PTPRD: variants seen among roughly 807,000 people sequenced by gnomAD.
PTPRD encodes the protein receptor-type tyrosine-protein phosphatase delta.
A neutral mutation model predicts 214.5 loss-of-function variants in PTPRD; 34 were observed. That is an observed-to-expected ratio of 0.16 (90% CI 0.12 to 0.21). PTPRD has a LOEUF of 0.21. PTPRD is among the 10% of genes least tolerant of loss of function. The pLI is 1.00. For synonymous variants in PTPRD, 1,128 were observed against 845.7 expected (o/e 1.33, Z -5.79); for missense variants, 2,545 against 2,398.7 (o/e 1.06, Z -1.27).
intron 4 of PTPRD, among the ~76,000 whole-genome samples, chr9:9,972,544 T>C (rs1034746305): frequency 1.4e-4 from 21 of 152,190 alleles, no homozygotes; most frequent in African/African-American, 5.1e-4. Context: ...TGAATTTGTT[T>C]CTTATTGCTA....
intron 9 of PTPRD, among the ~76,000 whole-genome samples, chr9:9,338,887 C>T (rs1355246591): frequency 1.3e-5 from 2 of 152,112 alleles, no homozygotes; most frequent in Non-Finnish European, 1.5e-5. Context: ...ATTCCCCTCC[C>T]TGTGTCCATG....
At chr9:10,588,269 G>T (rs1179941427) in intron 2 of PTPRD, among the ~76,000 whole-genome samples, 1 of 152,000 alleles carries the variant, frequency 6.6e-6, no homozygotes, top group African/African-American at 2.4e-5. Flanking sequence ...TGTGGTCTTT[G>T]TAAGGTAGTG....
chr9:8,703,596 T>C (rs1041363224), intron 12 of PTPRD, among the ~76,000 whole-genome samples: 3 of 152,196 alleles, frequency 2.0e-5, no homozygotes, highest in Admixed American at 6.5e-5. Context: ...TTTCTTTCTC[T>C]TTTCTCCTGT....
Position 9,511,048 on chromosome 9 carries a change from G to A in PTPRD, c.-237+63684C>T, listed in dbSNP as rs747658651. On this transcript the variant is annotated intron_variant, in intron 8 of 45. Transcript: ENST00000381196. ...AATATCCACTCCAAACAAAGCTCTT[G>A]TACAATAGAATCTATGAACAAAGGC... Among the ~76,000 whole-genome samples, 38 of 151,808 alleles carry A rather than the reference G, an allele frequency of 2.5e-4. 1 individual carries two copies. The highest frequency in any genetic ancestry group is 3.4e-3 in the Middle Eastern group (1 of 294).
intron 2 of PTPRD, among the ~76,000 whole-genome samples, chr9:10,519,343 A>G (rs1418138089): frequency 1.3e-5 from 2 of 151,810 alleles, no homozygotes; most frequent in Non-Finnish European, 2.9e-5. Flanking sequence ...CATGCCCTAG[A>G]CATTTCATTA....
intron 11 of PTPRD, among the ~76,000 whole-genome samples, chr9:8,996,019 G>C (rs1033252777): frequency 3.3e-5 from 5 of 151,982 alleles, no homozygotes; most frequent in African/African-American, 1.2e-4. Flanking sequence ...ATTCAAAATA[G>C]GAATGCTATT....
intron 8 of PTPRD, among the ~76,000 whole-genome samples, chr9:9,444,002 C>A (rs1405850139): frequency 4.6e-5 from 7 of 152,082 alleles, no homozygotes; most frequent in African/African-American, 2.4e-5. Context: ...AAAATAAAAT[C>A]ATATGGACTT....
At chr9:9,013,921 G>C (rs1010004417) in intron 11 of PTPRD, among the ~76,000 whole-genome samples, 4 of 152,144 alleles carry the variant, frequency 2.6e-5, no homozygotes, top group African/African-American at 9.7e-5. Context: ...TGGATCTTTT[G>C]TTGGGTGCAT....
intron 11 of PTPRD, among the ~76,000 whole-genome samples, chr9:8,828,245 A>G (rs2097213406): frequency 6.6e-6 from 1 of 152,220 alleles, no homozygotes; most frequent in Non-Finnish European, 1.5e-5. Flanking sequence ...GTATCTCCCT[A>G]AATTCATATG....
At chr9:9,277,487 A>T (rs1946114898) in intron 9 of PTPRD, among the ~76,000 whole-genome samples, 1 of 151,430 alleles carries the variant, frequency 6.6e-6, no homozygotes, top group African/African-American at 2.4e-5. Flanking sequence ...AAGTCTGTTA[A>T]CACAGACTCA....
intron 8 of PTPRD, among the ~76,000 whole-genome samples, chr9:9,561,017 G>A (rs1248941702): frequency 1.3e-5 from 2 of 152,118 alleles, no homozygotes; most frequent in African/African-American, 2.4e-5. Context: ...TGCCTGCCAT[G>A]TCAAGCCATG....
chr9:10,540,517 TA>T (rs1245388880), intron 2 of PTPRD, among the ~76,000 whole-genome samples: 2 of 152,206 alleles, frequency 1.3e-5, no homozygotes, highest in Admixed American at 1.3e-4. Context: ...ATTTGCTAAG[TA>T]GTAGTTTTGG....
chr9:9,950,596 C>T lies in PTPRD; in HGVS notation c.-471-11986G>A, dbSNP rs527637594. ...AAAATTAGCCGGGCGAGGTGGTGGA[C>T]GCCTGTAGTCCCAGCTACTTGGGAG... On this transcript the variant is annotated intron_variant, in intron 4 of 45. Transcript: ENST00000381196. Among the ~76,000 whole-genome samples the T allele has an allele frequency of 6.2e-5, 5 of 80,946 alleles. 1 individual carries two copies. Among genetic ancestry groups the T allele is most frequent in the African/African-American group, 2.1e-4 (2 of 9,352 alleles). The allele number at this position is 80,946 out of a possible 152,430, so 53.1% of individuals were successfully genotyped here. A position where few individuals can be genotyped will look rare whatever the true frequency, so the allele number is the denominator to read the frequency against.
At chr9:9,842,298 AT>A (rs138386194) in intron 5 of PTPRD, among the ~76,000 whole-genome samples, 14,477 of 89,852 alleles carry the variant, frequency 0.16, 425 homozygotes, top group East Asian at 0.35. Context: ...GAAGGAGAGC[AT>A]TTTTTTTTTT....
chr9:9,985,352 C>T (rs1219976285), intron 4 of PTPRD, among the ~76,000 whole-genome samples: 2 of 152,126 alleles, frequency 1.3e-5, no homozygotes, highest in African/African-American at 4.8e-5. Flanking sequence ...ATTAACAATA[C>T]ACAATACAGT....
At chr9:9,029,662 G>A (rs917451350) in intron 10 of PTPRD, among the ~76,000 whole-genome samples, 2 of 151,886 alleles carry the variant, frequency 1.3e-5, no homozygotes, top group Admixed American at 6.6e-5. Context: ...GGAATTTGAT[G>A]AGAAAACCTC....
At position 9,967,330 on chromosome 9, in the gene PTPRD, G is replaced by A. The variant is rs533230896; in HGVS notation, c.-471-28720C>T. Among the ~76,000 whole-genome samples, 13 of 152,190 alleles carry A rather than the reference G, an allele frequency of 8.5e-5. No individual in the cohort carries two copies. In the South Asian group the frequency reaches 2.7e-3, roughly 32 times the overall value. The stretch of plus-strand genomic sequence containing the variant: ...AAAGTGACAAATTTGTAGAAATAAA[G>A]GCCCTTAACAACTAGAATTTATGCC... On this transcript the variant is annotated intron_variant, in intron 4 of 45. Transcript: ENST00000381196.
chr9:9,819,310 A>G (rs2153567612), intron 5 of PTPRD, among the ~76,000 whole-genome samples: 1 of 152,298 alleles, frequency 6.6e-6, no homozygotes, highest in South Asian at 2.1e-4. Flanking sequence ...TTATTTTTAA[A>G]GGCTTTTACA....
intron 10 of PTPRD, among the ~76,000 whole-genome samples, chr9:9,024,574 T>G (rs1382927743): frequency 6.6e-6 from 1 of 151,768 alleles, no homozygotes; most frequent in Non-Finnish European, 1.5e-5. Context: ...TTCTCCACAC[T>G]GAAGCTAATA....
Sources: gnomAD v4.1 joint callset for allele counts (sites outside exome capture counted in the v4.1 genomes callset) on GRCh38, gnomAD v4.1.1 for gene constraint, MANE v1.5 for transcripts, NCBI Gene and HGNC (gene_info 2026-07-23, HGNC 2026-07-21) for gene names.